Variants in HYDIN observed in about 807,000 individuals in gnomAD.
The protein encoded by HYDIN is HYDIN axonemal central pair apparatus protein.
In HYDIN, 132 loss-of-function variants were observed where a neutral mutation model predicts 403.9. The ratio of observed to expected loss-of-function variants is 0.33; its 90% CI spans 0.28 to 0.38. HYDIN has a LOEUF of 0.38. Ranked by LOEUF, HYDIN falls within the 10% of genes least tolerant of loss-of-function variation. The probability of loss-of-function intolerance (pLI) is 1.00; values close to 1 mark genes in which losing one functional copy is unlikely to be tolerated. For synonymous variants in HYDIN, 1,202 were observed against 1,891.7 expected (o/e 0.64, Z 9.46); for missense variants, 2,827 against 5,009.5 (o/e 0.56, Z 13.15).
chr16:70,818,971 A>G (rs1422815980), intron 83 of HYDIN, among the ~76,000 whole-genome samples: 1 of 151,968 alleles, frequency 6.6e-6, no homozygotes, highest in African/African-American at 2.4e-5. Flanking sequence ...CTGGAGTGCA[A>G]TGGCATGACT....
At chr16:70,912,986 T>G (rs2076735861) in intron 47 of HYDIN, among the ~76,000 whole-genome samples, 1 of 151,686 alleles carries the variant, frequency 6.6e-6, no homozygotes, top group African/African-American at 2.4e-5. Context: ...ATCTCCTGTT[T>G]GTTTCTTATT....
intron 1 of HYDIN, among the ~76,000 whole-genome samples, chr16:71,193,154 C>T (rs2087518783): frequency 1.3e-5 from 2 of 152,190 alleles, no homozygotes; most frequent in African/African-American, 4.8e-5. Context: ...AGCTTCTTGC[C>T]TATAGGGATC....
intron 41 of HYDIN, among the ~76,000 whole-genome samples, chr16:70,945,833 A>G (rs1403441165): frequency 1.4e-5 from 2 of 140,526 alleles, no homozygotes; most frequent in African/African-American, 5.9e-5. Context: ...CCTTGAGAAG[A>G]AAGAGCAGCC....
intron 83 of HYDIN, among the ~76,000 whole-genome samples, chr16:70,820,187 CTTTTTTTTTT>C (rs57769826): frequency 1.1e-5 from 1 of 91,846 alleles, no homozygotes; most frequent in African/African-American, 4.1e-5. Context: ...TTTCTTTTTT[CTTTTTTTTTT>C]TTTTTTTTTT....
rs1284383543 is a variant in HYDIN at position 70,804,799 on chromosome 16, G to A, written c.*2781C>T. ...GCTGAGTGTGCTGCAACCTGGGTTC[G>A]TTTTTGTTTCTCCCCCTCCCTTCTC... On this transcript the variant is annotated 3_prime_UTR_variant, in exon 86 of 86. Coordinates refer to ENST00000393567, the MANE Select transcript of HYDIN (RefSeq NM_001270974.2). Among the ~76,000 whole-genome samples the A allele has an allele frequency of 3.3e-5, 5 of 152,228 alleles. No homozygotes were observed. The highest frequency in any genetic ancestry group is 7.4e-5 in the Non-Finnish European group (5 of 68,000).
chr16:70,811,401 C>T (rs904910445), intron 84 of HYDIN: 1 of 153,664 alleles, frequency 6.5e-6, no homozygotes, highest in Non-Finnish European at 1.5e-5. Flanking sequence ...CATACCACTG[C>T]ACTCCAGCCT....
chr16:71,080,711 A>G (rs929522995), intron 12 of HYDIN, among the ~76,000 whole-genome samples: 27 of 134,414 alleles, frequency 2.0e-4, no homozygotes, highest in Non-Finnish European at 7.7e-5. Flanking sequence ...ACCTATGAAT[A>G]TATTAGGTTA....
chr16:71,220,289 CTATATAACTACTAAGGG>C (rs1315900564), intron 1 of HYDIN, among the ~76,000 whole-genome samples: 1 of 152,160 alleles, frequency 6.6e-6, no homozygotes, highest in African/African-American at 2.4e-5. Context: ...GCCTGTGAAA[CTATATAACTACTAAGGG>C]GTAATAACTT....
At chr16:70,825,245 T>C (rs2036521445) in intron 83 of HYDIN, among the ~76,000 whole-genome samples, 1 of 152,210 alleles carries the variant, frequency 6.6e-6, no homozygotes, top group African/African-American at 2.4e-5. Context: ...CTCCTTTTAT[T>C]TCCTCTAGAA....
chr16:70,981,572 C>G lies in HYDIN; in HGVS notation c.4333-4G>C, dbSNP rs146837974. 2 of 1,609,260 alleles carry G rather than the reference C, an allele frequency of 1.2e-6. No homozygotes were observed. Among genetic ancestry groups the G allele is most frequent in the South Asian group, 2.2e-5 (2 of 90,644 alleles). On this transcript the variant is annotated splice_polypyrimidine_tract_variant and splice_region_variant and intron_variant, in intron 28 of 85. Coordinates refer to ENST00000393567, the MANE Select transcript of HYDIN (RefSeq NM_001270974.2). ...CTTGATGTGAACTGATAAAGCCCTA[C>G]GCGGTAGAAAGACCAGAAAAGGGAA...
chr16:70,894,423 C>T (rs1343718797), intron 55 of HYDIN, 26 bp downstream of exon 55: 1 of 1,609,908 alleles, frequency 6.2e-7, no homozygotes, highest in Non-Finnish European at 8.5e-7. Context: ...ACTTGATGGC[C>T]TTACATCTGA....
At chr16:71,214,186 C>T (rs2144739707) in intron 1 of HYDIN, among the ~76,000 whole-genome samples, 1 of 152,058 alleles carries the variant, frequency 6.6e-6, no homozygotes, top group East Asian at 1.9e-4. Context: ...GTTCAAATTC[C>T]TAGGGCTATA....
rs559506589 is a variant in HYDIN at position 70,992,690 on chromosome 16, C to T, written c.3645-480G>A. 7.3e-5 allele frequency among the ~76,000 whole-genome samples: 11 copies of T among 151,430 alleles called. No individual in the cohort carries two copies. In the East Asian group the frequency reaches 1.8e-3, roughly 24 times the overall value. ...TGTTAGGGGCCTGGAAGTGCAGGCTCGGGTTTCTTACATGACCTTGCCTCC... is the reference window on the plus strand; with the variant it reads ...TGTTAGGGGCCTGGAAGTGCAGGCTTGGGTTTCTTACATGACCTTGCCTCC... On this transcript the variant is annotated intron_variant, in intron 23 of 85. Transcript: ENST00000393567.
intron 27 of HYDIN, 69 bp from the exon 28 acceptor site, chr16:70,985,391 A>C: frequency 9.7e-7 from 1 of 1,027,066 alleles, no homozygotes; most frequent in Non-Finnish European, 1.4e-6. Context: ...AGGTGCAGAA[A>C]CATGCCTCAT....
intron 75 of HYDIN, among the ~76,000 whole-genome samples, chr16:70,847,575 C>G (rs2038300996): frequency 6.6e-6 from 1 of 151,698 alleles, no homozygotes; most frequent in African/African-American, 2.4e-5. Flanking sequence ...ATAATGGGAA[C>G]TATTTAGAAA....
At chr16:70,808,791 G>A (rs1161379886) in intron 85 of HYDIN, among the ~76,000 whole-genome samples, 1 of 152,182 alleles carries the variant, frequency 6.6e-6, no homozygotes, top group Non-Finnish European at 1.5e-5. Context: ...TTGTTGATAG[G>A]TGTGGTCCTG....
intron 35 of HYDIN, among the ~76,000 whole-genome samples, chr16:70,971,895 A>T (rs2078743734): frequency 6.6e-6 from 1 of 152,016 alleles, no homozygotes; most frequent in Non-Finnish European, 1.5e-5. Context: ...GGTGCTGCTG[A>T]TGTTGATGAT....
intron 5 of HYDIN, 112 bp downstream of exon 5, chr16:71,175,495 T>C (rs2086634508): frequency 3.0e-6 from 3 of 1,001,494 alleles, no homozygotes; most frequent in Non-Finnish European, 4.5e-6. Context: ...CCACCATCAA[T>C]ACCACCACCA....
intron 75 of HYDIN, among the ~76,000 whole-genome samples, chr16:70,842,057 T>C (rs1272357232): frequency 2.0e-5 from 3 of 150,822 alleles, no homozygotes; most frequent in Admixed American, 6.6e-5. Context: ...GAACATACTT[T>C]GCACGATTTC....
Sources: allele counts gnomAD v4.1 joint callset (sites outside exome capture counted in the v4.1 genomes callset), GRCh38; gene constraint gnomAD v4.1.1; transcripts MANE v1.5; gene names NCBI Gene and HGNC (gene_info 2026-07-23, HGNC 2026-07-21).